EPG5: variants seen among roughly 807,000 people sequenced by gnomAD.
EPG5 encodes ectopic P-granules 5 autophagy tethering factor, also known as ectopic P granules protein 5 homolog.
A neutral mutation model predicts 302.7 loss-of-function variants in EPG5; 159 were observed. The observed-to-expected ratio is 0.53, with a 90% CI of 0.46 to 0.60. The LOEUF (loss-of-function observed/expected upper bound fraction) is 0.60. Among genes scored for constraint, EPG5 ranks in the 20% least tolerant of loss-of-function variants. The pLI is 0.00. For synonymous variants in EPG5, 1,158 were observed against 1,136.8 expected, an observed-to-expected ratio of 1.02 and a Z score of -0.37; for missense variants, 2,896 against 3,092.4, an observed-to-expected ratio of 0.94 and a Z score of 1.51.
chr18:45,830,094 T>A, the EPG5 span, among the ~76,000 whole-genome samples: 1 of 152,136 alleles, frequency 6.6e-6, no homozygotes, highest in South Asian at 2.1e-4. Context: ...CTCAGCTTTC[T>A]CTCTAGTTAA....
At chr18:45,862,741 C>T (rs1472457738) in intron 39 of EPG5, among the ~76,000 whole-genome samples, 1 of 152,240 alleles carries the variant, frequency 6.6e-6, no homozygotes, top group Non-Finnish European at 1.5e-5. Flanking sequence ...GCTTCCTGTA[C>T]AGCCTCCAGA....
chr18:45,875,780 C>A (rs888296387), intron 35 of EPG5, among the ~76,000 whole-genome samples: 1 of 152,140 alleles, frequency 6.6e-6, no homozygotes, highest in Non-Finnish European at 1.5e-5. Flanking sequence ...AAAGGCCGGG[C>A]GTGGTGGCTC....
downstream of EPG5, chr18:45,842,720 A>C (rs983092148): frequency 6.4e-6 from 1 of 156,454 alleles, no homozygotes; most frequent in Non-Finnish European, 1.4e-5. Flanking sequence ...TGAGGAAATA[A>C]TGGATATGAA....
At chr18:45,806,016 A>G in the EPG5 span, among the ~76,000 whole-genome samples, 26 of 152,330 alleles carry the variant, frequency 1.7e-4, no homozygotes, top group Non-Finnish European at 2.5e-4. Flanking sequence ...TTTTTTATTT[A>G]TAAAATGGAA....
At chr18:45,953,668 C>T (rs777978187) in intron 2 of EPG5, 60 of 985,172 alleles carry the variant, frequency 6.1e-5, no homozygotes, top group Admixed American at 3.1e-4. Context: ...CTTGAGAGGA[C>T]GTCTCCCCCT....
chr18:45,856,593 C>T (rs1163705247), intron 42 of EPG5, among the ~76,000 whole-genome samples: 2 of 152,158 alleles, frequency 1.3e-5, no homozygotes, highest in Non-Finnish European at 2.9e-5. Flanking sequence ...GAATAAAAGA[C>T]GCAAGCCAAA....
At chr18:45,956,888 A>C (rs977007498) in intron 1 of EPG5, among the ~76,000 whole-genome samples, 5 of 138,108 alleles carry the variant, frequency 3.6e-5, no homozygotes, top group South Asian at 2.2e-4. Flanking sequence ...CATCATAAAA[A>C]AGCTGTTCAC....
chr18:45,881,989 A>G (rs1273231462), intron 31 of EPG5, among the ~76,000 whole-genome samples: 1 of 152,216 alleles, frequency 6.6e-6, no homozygotes, highest in African/African-American at 2.4e-5. Flanking sequence ...AAGACAGCTG[A>G]AAAGTCAAGA....
At position 45,901,258 on chromosome 18, in the gene EPG5, C is replaced by A. The variant is rs191204472; in HGVS notation, c.4475-91G>T. On this transcript the variant is annotated intron_variant, in intron 25 of 43. Coordinates refer to ENST00000282041, the MANE Select transcript of EPG5 (RefSeq NM_020964.3). ...GGTACAATTCAGTAGAATTCCTATC[C>A]TCAAAAAATTTATAGTCTTACGATA... 6 of 1,139,770 alleles carry A rather than the reference C, an allele frequency of 5.3e-6. No homozygotes were observed. The East Asian group carries it at 7.2e-5, about 14-fold the overall frequency. The allele number at this position is 1,139,770 out of a possible 1,614,324, so 70.6% of individuals were successfully genotyped here. A position where few individuals can be genotyped will look rare whatever the true frequency, so the allele number is the denominator to read the frequency against.
At chr18:45,890,715 A>C (rs1478021751) in intron 27 of EPG5, among the ~76,000 whole-genome samples, 1 of 152,202 alleles carries the variant, frequency 6.6e-6, no homozygotes, top group East Asian at 1.9e-4. Flanking sequence ...ATGCAATTTT[A>C]ATGTCATTTT....
At position 45,860,274 on chromosome 18, in the gene EPG5, G is replaced by A. The variant is rs200754523; in HGVS notation, c.6839C>T (p.Ala2280Val). The change falls in exon 40 of 44, where the codon GCG becomes GTG. Residue 2280 changes from alanine (A) to valine (V), a missense_variant. Ala to Val is a moderately conservative substitution (Grantham distance 64). Around this residue, in one of 5 missense-constraint regions of EPG5, gnomAD observed 620 missense variants for 704.2 expected, o/e 0.88. Transcript: ENST00000282041. Reference protein sequence around the residue: ...FMEVLMMMNNATIPTAEFLRG... With the variant: ...FMEVLMMMNNVTIPTAEFLRG... ...AAGGAACTCTGCTGTTGGAATAGTCGCGTTGTTCATCATCATCAGGACTTC... is the reference window on the plus strand; with the variant it reads ...AAGGAACTCTGCTGTTGGAATAGTCACGTTGTTCATCATCATCAGGACTTC... 184 of 1,614,186 alleles carry A rather than the reference G, an allele frequency of 1.1e-4. No individual in the cohort carries two copies. Among genetic ancestry groups the A allele is most frequent in the Admixed American group, 1.8e-4 (11 of 60,030 alleles).
At chr18:45,931,565 G>A (rs1266630660) in intron 11 of EPG5, among the ~76,000 whole-genome samples, 1 of 152,182 alleles carries the variant, frequency 6.6e-6, no homozygotes, top group Non-Finnish European at 1.5e-5. Flanking sequence ...CGGGCGCTGT[G>A]GCTCACACCT....
At chr18:45,946,548 T>C (rs942653849) in intron 7 of EPG5, 115 bp downstream of exon 7, 2 of 737,222 alleles carry the variant, frequency 2.7e-6, no homozygotes, top group African/African-American at 3.5e-5. Flanking sequence ...CTTTACCTCA[T>C]GGAGTTGCTG....
chr18:45,954,893 A>G lies in EPG5; in HGVS notation c.509T>C (p.Ile170Thr), dbSNP rs956069024. Reference sequence around the variant, plus strand: ...ACTATTCTGAGTTTCTCTGACTTGTATATTTTCCATTGCTGGCTGAGTATA... The same window carrying G: ...ACTATTCTGAGTTTCTCTGACTTGTGTATTTTCCATTGCTGGCTGAGTATA... ...FSYTQPAMENIQVRETQNSKE... is the reference protein window; with the variant it reads ...FSYTQPAMENTQVRETQNSKE... Residue 170 changes from isoleucine to threonine, a missense_variant, in exon 2 of 44, where the codon ATA becomes ACA. Physicochemically the swap from Ile to Thr is moderately conservative, Grantham distance 89 (BLOSUM62 -1). Coordinates refer to ENST00000282041, the MANE Select transcript of EPG5 (RefSeq NM_020964.3). 6.2e-7 allele frequency: 1 copy of G among 1,613,974 alleles called. No individual in the cohort carries two copies. Among genetic ancestry groups the G allele is most frequent in the Non-Finnish European group, 8.5e-7 (1 of 1,179,936 alleles).
At chr18:45,838,614 G>A in the EPG5 span, 1 of 1,395,542 alleles carries the variant, frequency 7.2e-7, no homozygotes, top group East Asian at 2.7e-5. Flanking sequence ...GCACCCAAGT[G>A]CCCATTCCTC....
chr18:45,830,252 G>C, the EPG5 span, among the ~76,000 whole-genome samples: 3 of 152,352 alleles, frequency 2.0e-5, no homozygotes, highest in Non-Finnish European at 4.4e-5. Flanking sequence ...TCCAATTGCA[G>C]CTTCTGCTGG....
chr18:45,868,472 G>T (rs987171422), intron 36 of EPG5, among the ~76,000 whole-genome samples: 156 of 151,258 alleles, frequency 1.0e-3, no homozygotes, highest in African/African-American at 3.6e-3. Context: ...TGAGTAGCTG[G>T]GATTACAGGT....
intron 27 of EPG5, among the ~76,000 whole-genome samples, chr18:45,895,567 G>A (rs1306581505): frequency 6.6e-6 from 1 of 152,164 alleles, no homozygotes; most frequent in African/African-American, 2.4e-5. Flanking sequence ...ATGAAGAAGA[G>A]AATCAGGATA....
intron 5 of EPG5, 94 bp downstream of exon 5, chr18:45,949,390 A>T: frequency 1.5e-6 from 1 of 675,208 alleles, no homozygotes; most frequent in Non-Finnish European, 2.5e-6. Context: ...ACTCTTTTTT[A>T]AATAGTCCTT....
Sources: allele counts gnomAD v4.1 joint callset (sites outside exome capture counted in the v4.1 genomes callset), GRCh38; gene constraint gnomAD v4.1.1; regional missense constraint gnomAD v4.1.1; transcripts MANE v1.5; gene names NCBI Gene and HGNC (gene_info 2026-07-23, HGNC 2026-07-21).